RPTOR: variants seen among roughly 807,000 people sequenced by gnomAD.
The protein encoded by RPTOR is regulatory associated protein of MTOR complex 1.
A neutral mutation model predicts 169.9 loss-of-function variants in RPTOR; 21 were observed. The observed-to-expected ratio is 0.12, with a 90% CI of 0.09 to 0.18. The LOEUF (loss-of-function observed/expected upper bound fraction) is 0.18, where lower values mean the gene tolerates loss of function less well. Among genes scored for constraint, RPTOR ranks in the 10% least tolerant of loss-of-function variants. The probability of loss-of-function intolerance (pLI) is 1.00; values close to 1 mark genes in which losing one functional copy is unlikely to be tolerated. For synonymous variants in RPTOR, 732 were observed against 753.2 expected, an observed-to-expected ratio of 0.97 and a Z score of 0.46; for missense variants, 1,133 against 1,855.9, an observed-to-expected ratio of 0.61 and a Z score of 7.16.
intron 9 of RPTOR, among the ~76,000 whole-genome samples, chr17:80,835,534 C>T (rs1164142470): frequency 1.3e-5 from 2 of 152,152 alleles, no homozygotes; most frequent in African/African-American, 2.4e-5. Context: ...ATCCCTACGA[C>T]GAAGGTTGAG....
intron 24 of RPTOR, among the ~76,000 whole-genome samples, chr17:80,926,911 C>A (rs903170629): frequency 3.3e-5 from 5 of 152,198 alleles, no homozygotes; most frequent in Non-Finnish European, 7.3e-5. Context: ...ATCAAAGAAA[C>A]AAACCCCAGG....
At chr17:80,639,158 G>A (rs2065532581) in intron 2 of RPTOR, among the ~76,000 whole-genome samples, 1 of 151,744 alleles carries the variant, frequency 6.6e-6, no homozygotes, top group Admixed American at 6.6e-5. Context: ...TAGCCCCTTT[G>A]CTATTATGTA....
intron 25 of RPTOR, among the ~76,000 whole-genome samples, chr17:80,942,720 A>G (rs1199986073): frequency 6.6e-6 from 1 of 152,272 alleles, no homozygotes; most frequent in Non-Finnish European, 1.5e-5. Flanking sequence ...AGAGAACCAG[A>G]GAAGTCGGCG....
intron 18 of RPTOR, 124 bp from the exon 19 acceptor site, chr17:80,892,605 C>A: frequency 9.1e-7 from 1 of 1,096,782 alleles, no homozygotes; most frequent in Non-Finnish European, 1.3e-6. Context: ...AGCCCCTGCT[C>A]TGACATTTGT....
chr17:80,617,987 C>CTTTTTTTTTTTTTTTTTTTTTTTT (rs1197342364), intron 1 of RPTOR, among the ~76,000 whole-genome samples: 46 of 146,436 alleles, frequency 3.1e-4, no homozygotes, highest in African/African-American at 1.1e-3. Context: ...ATAGTTACAA[C>CTTTTTTTTTTTTTTTTTTTTTTTT]TTTTTTTTTT....
chr17:80,857,276 C>T (rs566563512), intron 12 of RPTOR, among the ~76,000 whole-genome samples: 17 of 152,384 alleles, frequency 1.1e-4, no homozygotes, highest in Admixed American at 9.8e-4. Context: ...TTTCCCAGGG[C>T]AGGCATCTTT....
intron 5 of RPTOR, among the ~76,000 whole-genome samples, chr17:80,742,216 A>C (rs1205709966): frequency 6.6e-6 from 1 of 152,130 alleles, no homozygotes; most frequent in Non-Finnish European, 1.5e-5. Flanking sequence ...TGCTAATGGG[A>C]GTAACCTGGC....
chr17:80,673,334 A>T (rs894629901), intron 3 of RPTOR, among the ~76,000 whole-genome samples: 1 of 152,288 alleles, frequency 6.6e-6, no homozygotes, highest in East Asian at 1.9e-4. Flanking sequence ...ATTTTTAATG[A>T]TTGTTTCCCA....
intron 7 of RPTOR, among the ~76,000 whole-genome samples, chr17:80,798,035 G>C (rs1238025704): frequency 6.6e-6 from 1 of 152,170 alleles, no homozygotes. Flanking sequence ...TCCCTTCACT[G>C]AACATGTCAG....
chr17:80,597,469 G>A (rs2065152383), intron 1 of RPTOR, among the ~76,000 whole-genome samples: 1 of 152,128 alleles, frequency 6.6e-6, no homozygotes. Context: ...AAGGCAATGG[G>A]GAGCAGTGAA....
intron 5 of RPTOR, among the ~76,000 whole-genome samples, chr17:80,750,617 A>C (rs905739647): frequency 2.0e-5 from 3 of 152,220 alleles, no homozygotes; most frequent in Non-Finnish European, 4.4e-5. Context: ...GAGTAGCTGC[A>C]GGTCCACGTC....
chr17:80,958,070 G>C (rs1011918517), intron 29 of RPTOR, among the ~76,000 whole-genome samples: 3 of 151,674 alleles, frequency 2.0e-5, no homozygotes, highest in African/African-American at 7.3e-5. Context: ...TTATTTGGAG[G>C]CGTTTTTTTT....
intron 3 of RPTOR, among the ~76,000 whole-genome samples, chr17:80,700,218 G>C (rs953040722): frequency 6.6e-6 from 1 of 152,198 alleles, no homozygotes; most frequent in African/African-American, 2.4e-5. Flanking sequence ...GCAGGGACTC[G>C]TAGGTCTTTC....
chr17:80,744,745 C>T (rs112541694), intron 5 of RPTOR, among the ~76,000 whole-genome samples: 591 of 4,184 alleles, frequency 0.14, 13 homozygotes, highest in East Asian at 0.34. Flanking sequence ...ACTGTCCTGG[C>T]TACTAGCACT....
intron 6 of RPTOR, among the ~76,000 whole-genome samples, chr17:80,776,349 G>A (rs2066892239): frequency 7.7e-6 from 1 of 130,060 alleles, no homozygotes; most frequent in African/African-American, 2.9e-5. Context: ...TTGAGATGGA[G>A]TCTCACTCTG....
intron 1 of RPTOR, 23 bp from the exon 2 acceptor site, chr17:80,625,668 A>T (rs941272346): frequency 1.3e-5 from 20 of 1,505,606 alleles, no homozygotes; most frequent in East Asian, 4.5e-5. Flanking sequence ...ATATTTATTT[A>T]TTTTTTTCTG....
chr17:80,753,667 A>G (rs928138952), intron 5 of RPTOR, among the ~76,000 whole-genome samples: 1 of 151,986 alleles, frequency 6.6e-6, no homozygotes, highest in African/African-American at 2.4e-5. Flanking sequence ...GAACGTTTAA[A>G]ACAAACCGTA....
At chr17:80,663,372 C>T (rs373703500) in intron 3 of RPTOR, among the ~76,000 whole-genome samples, 142 of 151,302 alleles carry the variant, frequency 9.4e-4, no homozygotes, top group African/African-American at 3.1e-3. Flanking sequence ...GCAAGCCACT[C>T]TAAATTGACA....
At chr17:80,779,560 A>G (rs1479510371) in intron 6 of RPTOR, among the ~76,000 whole-genome samples, 4 of 152,122 alleles carry the variant, frequency 2.6e-5, no homozygotes, top group African/African-American at 4.8e-5. Context: ...GAGATGTGCA[A>G]TTCCGTGACC....
Sources: allele counts gnomAD v4.1 joint callset (sites outside exome capture counted in the v4.1 genomes callset), GRCh38; gene constraint gnomAD v4.1.1; transcripts MANE v1.5; gene names NCBI Gene and HGNC (gene_info 2026-07-23, HGNC 2026-07-21).